Variants in LDLRAD4 observed in about 807,000 individuals in gnomAD.
The protein encoded by LDLRAD4 is low density lipoprotein receptor class A domain containing 4.
A neutral mutation model predicts 17.0 loss-of-function variants in LDLRAD4; 5 were observed. The ratio of observed to expected loss-of-function variants is 0.29; its 90% CI spans 0.15 to 0.62. The LOEUF (loss-of-function observed/expected upper bound fraction) is 0.62. LDLRAD4 is among the 20% of genes least tolerant of loss of function. The probability of loss-of-function intolerance (pLI) is 0.84; values close to 1 mark genes in which losing one functional copy is unlikely to be tolerated. For synonymous variants in LDLRAD4, 168 were observed against 171.8 expected, an observed-to-expected ratio of 0.98 and a Z score of 0.17; for missense variants, 340 against 424.7, an observed-to-expected ratio of 0.80 and a Z score of 1.75.
In LDLRAD4 at chr18:13,431,091, G is replaced by A. The variant is rs187810757; in HGVS notation, c.41-7153G>A. On this transcript the variant is annotated intron_variant, in intron 2 of 5. Coordinates refer to ENST00000359446, the Ensembl canonical transcript of LDLRAD4. ...GTTCTATAGACATTTGGTTTTCAGA[G>A]ATTTTCCCTGTTAAAATAGGATTTT... is the stretch of plus-strand genomic sequence containing the variant. Among the ~76,000 whole-genome samples the A allele has an allele frequency of 2.8e-3, 430 of 152,210 alleles. 4 individuals carry two copies. The highest frequency in any genetic ancestry group is 9.9e-3 in the African/African-American group (409 of 41,514).
At chr18:13,289,241 G>C (rs1163510733) in intron 1 of LDLRAD4, among the ~76,000 whole-genome samples, 1 of 152,166 alleles carries the variant, frequency 6.6e-6, no homozygotes, top group African/African-American at 2.4e-5. Flanking sequence ...CACGCATAAT[G>C]GTTTAGTTCC....
At chr18:13,347,959 A>C (rs1465878089) in intron 1 of LDLRAD4, among the ~76,000 whole-genome samples, 1 of 152,108 alleles carries the variant, frequency 6.6e-6, no homozygotes, top group Non-Finnish European at 1.5e-5. Context: ...TGGTTATTCT[A>C]GTTAGCCATT....
At chr18:13,572,206 A>G (rs1475854562) in intron 3 of LDLRAD4, among the ~76,000 whole-genome samples, 1 of 152,246 alleles carries the variant, frequency 6.6e-6, no homozygotes, top group African/African-American at 2.4e-5. Context: ...TTAAGTGAGC[A>G]TGTACTACAT....
chr18:13,278,853 A>G lies in LDLRAD4; in HGVS notation c.-383+665A>G, dbSNP rs564564329. Among the ~76,000 whole-genome samples the G allele has an allele frequency of 5.3e-5, 8 of 152,292 alleles. No individual in the cohort carries two copies. The South Asian group carries it at 1.2e-3, about 24-fold the overall frequency. On this transcript the variant is annotated intron_variant, in intron 1 of 5. Coordinates refer to ENST00000359446, the Ensembl canonical transcript of LDLRAD4. ...TCAGGAGCTCGATAAAACTTTTGGC[A>G]AATGAAACAACTTGATGAGGAATCC...
At chr18:13,498,671 C>G (rs2093535911) in intron 3 of LDLRAD4, among the ~76,000 whole-genome samples, 1 of 146,430 alleles carries the variant, frequency 6.8e-6, no homozygotes, top group East Asian at 2.1e-4. Context: ...ATCCTTTTCC[C>G]CACACACGTC....
At chr18:13,289,165 C>T (rs550377361) in intron 1 of LDLRAD4, among the ~76,000 whole-genome samples, 15 of 152,342 alleles carry the variant, frequency 9.8e-5, no homozygotes, top group Admixed American at 3.3e-4. Flanking sequence ...AGCTGTTTAG[C>T]AGTTGTTTTG....
At chr18:13,330,305 A>G (rs988040762) in intron 1 of LDLRAD4, among the ~76,000 whole-genome samples, 2 of 151,480 alleles carry the variant, frequency 1.3e-5, no homozygotes, top group Non-Finnish European at 2.9e-5. Flanking sequence ...TAATTTTTCC[A>G]CTTTAGCTTT....
intron 3 of LDLRAD4, among the ~76,000 whole-genome samples, chr18:13,495,279 G>C (rs987340175): frequency 2.0e-5 from 3 of 152,166 alleles, no homozygotes; most frequent in Non-Finnish European, 2.9e-5. Flanking sequence ...CAGGGCCAGC[G>C]AGGCGAATAC....
chr18:13,558,825 T>A (rs2094510556), intron 3 of LDLRAD4, among the ~76,000 whole-genome samples: 1 of 152,236 alleles, frequency 6.6e-6, no homozygotes, highest in Non-Finnish European at 1.5e-5. Context: ...ACCATTGCTT[T>A]CTGTTAATAG....
intron 3 of LDLRAD4, among the ~76,000 whole-genome samples, chr18:13,534,178 AC>A (rs2094169528): frequency 6.6e-6 from 1 of 152,220 alleles, no homozygotes; most frequent in South Asian, 2.1e-4. Context: ...GCCTATCTGC[AC>A]TTCCCTGTAA....
chr18:13,324,103 G>T (rs1219300530), intron 1 of LDLRAD4, among the ~76,000 whole-genome samples: 1 of 62,378 alleles, frequency 1.6e-5, no homozygotes, highest in Admixed American at 1.6e-4. Flanking sequence ...TGAATTACAC[G>T]TGCGTGGCTC....
chr18:13,579,694 A>G (rs540250451), intron 3 of LDLRAD4, among the ~76,000 whole-genome samples: 1 of 152,256 alleles, frequency 6.6e-6, no homozygotes, highest in Non-Finnish European at 1.5e-5. Context: ...CTATGTAAAT[A>G]GCATTGAAAT....
At chr18:13,407,458 T>C (rs139177507) in intron 2 of LDLRAD4, among the ~76,000 whole-genome samples, 21 of 152,232 alleles carry the variant, frequency 1.4e-4, no homozygotes, top group African/African-American at 2.2e-4. Context: ...AGACAATGCA[T>C]TGTGCCTCAA....
intron 1 of LDLRAD4, among the ~76,000 whole-genome samples, chr18:13,370,715 T>TTTGTTTTTTTTTTG (rs1555663264): frequency 9.9e-5 from 12 of 121,000 alleles, no homozygotes; most frequent in Middle Eastern, 3.9e-3. Context: ...TTTGTTTTGT[T>TTTGTTTTTTTTTTG]TTTTTTTTTT....
intron 1 of LDLRAD4, among the ~76,000 whole-genome samples, chr18:13,269,908 G>A (rs949273600): frequency 6.6e-6 from 1 of 152,176 alleles, no homozygotes; most frequent in African/African-American, 2.4e-5. Context: ...ATGCTTATGG[G>A]TATCACTCGA....
At chr18:13,620,343 TG>T (rs1389780725) in intron 3 of LDLRAD4, among the ~76,000 whole-genome samples, 1 of 152,208 alleles carries the variant, frequency 6.6e-6, no homozygotes, top group African/African-American at 2.4e-5. Context: ...CCGAGCCCCT[TG>T]CTCTGAATTT....
At chr18:13,502,369 T>G (rs2093627311) in intron 3 of LDLRAD4, among the ~76,000 whole-genome samples, 1 of 152,206 alleles carries the variant, frequency 6.6e-6, no homozygotes, top group Non-Finnish European at 1.5e-5. Context: ...TCTAAAATGC[T>G]TTTATTTGGG....
upstream of LDLRAD4, among the ~76,000 whole-genome samples, chr18:13,276,371 G>T (rs1365949807): frequency 6.6e-6 from 1 of 152,180 alleles, no homozygotes; most frequent in South Asian, 2.1e-4. Context: ...AAACTTAGGA[G>T]CTGAAAACAG....
chr18:13,649,423 CTCT>C (rs1468980790), exon 6 of LDLRAD4: 1 of 152,336 alleles, frequency 6.6e-6, no homozygotes, highest in African/African-American at 2.4e-5. Flanking sequence ...CATCCAGCGG[CTCT>C]TCTTTTTAGG....
Sources: gnomAD v4.1 joint callset for allele counts (sites outside exome capture counted in the v4.1 genomes callset) on GRCh38, gnomAD v4.1.1 for gene constraint, MANE v1.5 for transcripts, NCBI Gene and HGNC (gene_info 2026-07-23, HGNC 2026-07-21) for gene names.